Variants in CFAP20DC observed in about 807,000 individuals in gnomAD.
CFAP20DC encodes CFAP20 domain containing.
In CFAP20DC, 84 loss-of-function variants were observed where a neutral mutation model predicts 101.7. That is an observed-to-expected ratio of 0.83 (90% confidence interval 0.69 to 0.99). The LOEUF (loss-of-function observed/expected upper bound fraction) is 0.99. CFAP20DC is among the 50% of genes least tolerant of loss of function. The pLI, the probability that CFAP20DC is intolerant of heterozygous loss-of-function variation, is 0.00. For synonymous variants in CFAP20DC, 359 were observed against 351.2 expected (o/e 1.02, Z -0.25); for missense variants, 1,007 against 970.3 (o/e 1.04, Z -0.50).
In CFAP20DC at chr3:58,831,630, A is replaced by G. The variant is rs867561753; in HGVS notation, c.2175+56T>C. ...TCCAGGCAAAGCTGGGATTTGTTAGAAAAAAGCTTGCTCCTTGTTAAGCAA... is the reference window on the plus strand; with the variant it reads ...TCCAGGCAAAGCTGGGATTTGTTAGGAAAAAGCTTGCTCCTTGTTAAGCAA... On this transcript the variant is annotated intron_variant, in intron 14 of 16. Coordinates refer to ENST00000482387, the MANE Select transcript of CFAP20DC (RefSeq NM_001394063.1). 99 of 1,507,450 alleles carry G rather than the reference A, an allele frequency of 6.6e-5. No individual in the cohort carries two copies. The Middle Eastern group carries it at 4.4e-3, about 68-fold the overall frequency. The allele number at this position is 1,507,450 out of a possible 1,614,324, so 93.4% of individuals were successfully genotyped here.
chr3:58,836,091 T>C (rs1292262668), intron 13 of CFAP20DC, among the ~76,000 whole-genome samples: 1 of 152,140 alleles, frequency 6.6e-6, no homozygotes, highest in African/African-American at 2.4e-5. Flanking sequence ...TCCAAGCCAT[T>C]CAATCCATTC....
chr3:58,745,921 C>T (rs1242167479), intron 16 of CFAP20DC, among the ~76,000 whole-genome samples: 1 of 152,122 alleles, frequency 6.6e-6, no homozygotes, highest in East Asian at 1.9e-4. Flanking sequence ...AAGTACCTGT[C>T]ATTGTTCCTA....
At chr3:58,881,525 T>C (rs2081228974) in intron 7 of CFAP20DC, among the ~76,000 whole-genome samples, 1 of 152,188 alleles carries the variant, frequency 6.6e-6, no homozygotes, top group Non-Finnish European at 1.5e-5. Context: ...TTTATTAGTT[T>C]CATTAAAAGC....
At chr3:58,793,236 T>A (rs1005386737) in intron 15 of CFAP20DC, among the ~76,000 whole-genome samples, 2 of 152,316 alleles carry the variant, frequency 1.3e-5, no homozygotes, top group South Asian at 2.1e-4. Flanking sequence ...ATGAGTAATC[T>A]GTTAATCTAC....
downstream of CFAP20DC, among the ~76,000 whole-genome samples, chr3:58,739,841 C>T (rs2107116720): frequency 6.6e-6 from 1 of 152,250 alleles, no homozygotes; most frequent in South Asian, 2.1e-4. Flanking sequence ...CACTGGGAAG[C>T]ACATCTATTT....
At chr3:58,789,251 T>C (rs1163166453) in intron 15 of CFAP20DC, among the ~76,000 whole-genome samples, 1 of 152,146 alleles carries the variant, frequency 6.6e-6, no homozygotes, top group Non-Finnish European at 1.5e-5. Context: ...AACGAGAGAA[T>C]AATTGCCTTA....
chr3:58,783,202 G>A (rs2071998106), intron 15 of CFAP20DC, among the ~76,000 whole-genome samples: 1 of 152,020 alleles, frequency 6.6e-6, no homozygotes, highest in Admixed American at 6.6e-5. Flanking sequence ...TTCAATAAAT[G>A]GTGCTGGGAA....
intron 12 of CFAP20DC, among the ~76,000 whole-genome samples, chr3:58,855,743 C>G (rs2078727518): frequency 6.7e-6 from 1 of 148,534 alleles, no homozygotes; most frequent in African/African-American, 2.5e-5. Flanking sequence ...GAAGAAAAAA[C>G]TAAACACCAC....
intron 10 of CFAP20DC, among the ~76,000 whole-genome samples, chr3:58,867,072 T>G (rs2079758728): frequency 6.6e-6 from 1 of 152,224 alleles, no homozygotes; most frequent in Non-Finnish European, 1.5e-5. Flanking sequence ...CAAGCTTTTT[T>G]CATCAGCATG....
chr3:58,736,421 T>A (rs1031702488), intron 3 of CFAP20DC, among the ~76,000 whole-genome samples: 1 of 152,206 alleles, frequency 6.6e-6, no homozygotes, highest in African/African-American at 2.4e-5. Context: ...GGGATGATTC[T>A]AATCCCATTA....
At chr3:58,902,073 T>C (rs911075646) in intron 6 of CFAP20DC, among the ~76,000 whole-genome samples, 1 of 152,240 alleles carries the variant, frequency 6.6e-6, no homozygotes, top group African/African-American at 2.4e-5. Flanking sequence ...TCCTCCACAT[T>C]GTAGCAAGTG....
At chr3:58,970,604 G>A (rs1233143278) in intron 4 of CFAP20DC, 1 of 152,116 alleles carries the variant, frequency 6.6e-6, no homozygotes, top group African/African-American at 2.4e-5. Context: ...CCAGTTTGTG[G>A]TGACTTGTTA....
intron 6 of CFAP20DC, chr3:58,887,300 A>G (rs1365423176): frequency 6.6e-6 from 1 of 152,250 alleles, no homozygotes; most frequent in Non-Finnish European, 1.5e-5. Flanking sequence ...TTTGACATAT[A>G]CTTCAAAACT....
At chr3:58,881,257 T>A (rs1399386440) in intron 7 of CFAP20DC, among the ~76,000 whole-genome samples, 1 of 152,122 alleles carries the variant, frequency 6.6e-6, no homozygotes, top group African/African-American at 2.4e-5. Flanking sequence ...GGAGGGCACT[T>A]GGGAAAACTG....
At chr3:58,777,782 G>A (rs1398297151) in intron 15 of CFAP20DC, among the ~76,000 whole-genome samples, 2 of 152,090 alleles carry the variant, frequency 1.3e-5, no homozygotes, top group Non-Finnish European at 2.9e-5. Context: ...AGCCACAGTA[G>A]AGCCTGTTGA....
chr3:58,889,516 C>T (rs1035763079), intron 6 of CFAP20DC, among the ~76,000 whole-genome samples: 2 of 151,184 alleles, frequency 1.3e-5, no homozygotes, highest in African/African-American at 4.9e-5. Context: ...TATGCTCATT[C>T]GCCAATCTTT....
chr3:58,954,499 A>G (rs2090447530), intron 4 of CFAP20DC, among the ~76,000 whole-genome samples: 1 of 152,210 alleles, frequency 6.6e-6, no homozygotes, highest in East Asian at 1.9e-4. Context: ...AGCTCTAGGT[A>G]CAGTTACAAG....
intron 5 of CFAP20DC, among the ~76,000 whole-genome samples, chr3:58,916,292 C>A (rs1559817381): frequency 6.6e-6 from 1 of 151,984 alleles, no homozygotes; most frequent in African/African-American, 2.4e-5. Flanking sequence ...CAGGATCCTG[C>A]CCCTTTATTA....
chr3:58,786,187 C>A (rs1485937347), intron 15 of CFAP20DC, among the ~76,000 whole-genome samples: 3 of 152,162 alleles, frequency 2.0e-5, no homozygotes, highest in Non-Finnish European at 1.5e-5. Flanking sequence ...ACTAACAACT[C>A]ATGGAGGTTG....
Sources: allele counts gnomAD v4.1 joint callset (sites outside exome capture counted in the v4.1 genomes callset), GRCh38; gene constraint gnomAD v4.1.1; transcripts MANE v1.5; gene names NCBI Gene and HGNC (gene_info 2026-07-23, HGNC 2026-07-21).